MTF1: variants seen among roughly 807,000 people sequenced by gnomAD.
MTF1 encodes MRE-binding transcription factor.
MTF1 carries 22 observed loss-of-function variants against 70.4 expected under a neutral mutation model. That is an observed-to-expected ratio of 0.31 (90% CI 0.22 to 0.45). The LOEUF is 0.45. Among genes scored for constraint, MTF1 ranks in the 20% least tolerant of loss-of-function variants. MTF1 has a pLI of 1.00. For missense variants in MTF1, 649 were observed against 922.0 expected, an observed-to-expected ratio of 0.70 and a Z score of 3.83; for synonymous variants, 333 against 352.8, an observed-to-expected ratio of 0.94 and a Z score of 0.63.
At chr1:37,853,477 GGAA>G (rs1399720104) in intron 2 of MTF1, among the ~76,000 whole-genome samples, 9 of 152,330 alleles carry the variant, frequency 5.9e-5, no homozygotes, top group African/African-American at 2.2e-4. Flanking sequence ...GTGCTACAAT[GGAA>G]GAATGGAGTA....
intron 7 of MTF1, among the ~76,000 whole-genome samples, chr1:37,827,574 A>G (rs150929420): frequency 6.6e-6 from 1 of 152,016 alleles, no homozygotes; most frequent in African/African-American, 2.4e-5. Flanking sequence ...GTGTTAGCCA[A>G]AATGGTCTTG....
chr1:37,813,899 A>G lies in MTF1; in HGVS notation c.*1237T>C, dbSNP rs958405345. 4 of 152,690 alleles carry G rather than the reference A, an allele frequency of 2.6e-5. No homozygotes were observed. Among genetic ancestry groups the G allele is most frequent in the African/African-American group, 9.6e-5 (4 of 41,462 alleles). The allele number at this position is 152,690 out of a possible 1,614,324, so 9.5% of individuals were successfully genotyped here. On this transcript the variant is annotated 3_prime_UTR_variant, in exon 11 of 11. Coordinates refer to ENST00000373036, the MANE Select transcript of MTF1 (RefSeq NM_005955.3). ...AACACAACTTAATGAAACATTCCAA[A>G]TGAGATAACTTATTGCAACATTTCA...
rs1641204113 is a variant in MTF1, at chr1:37,838,494, T to C, written c.779+131A>G. 7.5e-6 allele frequency: 5 copies of C among 669,028 alleles called. No individual in the cohort carries two copies. The South Asian group carries it at 1.1e-4, about 15-fold the overall frequency. 41.4% of individuals were successfully genotyped at this position (669,028 alleles called of 1,614,324 possible). On this transcript the variant is annotated intron_variant, in intron 4 of 10. Coordinates refer to ENST00000373036, the MANE Select transcript of MTF1 (RefSeq NM_005955.3). ...CTGCAGTGGTTGGTTATAGCTGTCC[T>C]GGGGTGAGCTAACACTGCTAAATCA...
chr1:37,826,444 C>A, intron 7 of MTF1: 1 of 374,092 alleles, frequency 2.7e-6, no homozygotes, highest in Non-Finnish European at 5.3e-6. Context: ...CCATGCCTGG[C>A]TGCTTTTTAA....
intron 4 of MTF1, among the ~76,000 whole-genome samples, chr1:37,837,925 T>C (rs895540891): frequency 3.9e-5 from 6 of 152,332 alleles, no homozygotes; most frequent in African/African-American, 1.4e-4. Flanking sequence ...AAAGCTGATT[T>C]TGAATACCTG....
chr1:37,826,291 C>A (rs796790345), intron 7 of MTF1, among the ~76,000 whole-genome samples: 9 of 152,032 alleles, frequency 5.9e-5, no homozygotes, highest in South Asian at 2.1e-4. Flanking sequence ...TTCTTCTTTT[C>A]CCCCCCTTTT....
chr1:37,857,597 G>T lies in MTF1; in HGVS notation c.62C>A (p.Thr21Asn). The T allele has an allele frequency of 1.2e-6, 2 of 1,614,094 alleles. No individual in the cohort carries two copies. The highest frequency in any genetic ancestry group is 1.3e-5 in the African/African-American group (1 of 75,032). ...AAACCTGAGCATTTTATCATCGGGGGTCAGCTCATCTTCCTCTGCCTCAAA... is the reference window on the plus strand; with the variant it reads ...AAACCTGAGCATTTTATCATCGGGGTTCAGCTCATCTTCCTCTGCCTCAAA... ...IYFEAEEDEL[T>N]PDDKMLRFVD... Residue 21 changes from threonine to asparagine, a missense_variant, in exon 2 of 11, where the codon ACC becomes AAC. This residue lies in a region of MTF1 where 34 missense variants were observed against 38.7 expected (regional missense o/e 0.88). Transcript: ENST00000373036.
At chr1:37,857,797 T>TA in intron 1 of MTF1, 88 bp from the exon 2 acceptor site, 1 of 740,972 alleles carries the variant, frequency 1.3e-6, no homozygotes, top group Non-Finnish European at 2.2e-6. Context: ...CCCTCTCACT[T>TA]AAAGAGCAAG....
Position 37,835,038 on chromosome 1 carries a change from G to A in MTF1, c.990+41C>T, listed in dbSNP as rs1344807739. Reference sequence around the variant, plus strand: ...TTGTGATACACAAACAACTGTTGAAGTTCTATGGTACCCAGATCAAGAGAC... The same window carrying A: ...TTGTGATACACAAACAACTGTTGAAATTCTATGGTACCCAGATCAAGAGAC... On this transcript the variant is annotated intron_variant, in intron 6 of 10. Transcript: ENST00000373036. 1.9e-6 allele frequency: 3 copies of A among 1,604,010 alleles called. No homozygotes were observed. In the African/African-American group the frequency reaches 4.0e-5, roughly 21 times the overall value.
chr1:37,844,510 C>T (rs1475202125), intron 2 of MTF1, among the ~76,000 whole-genome samples: 2 of 152,162 alleles, frequency 1.3e-5, no homozygotes, highest in Non-Finnish European at 2.9e-5. Flanking sequence ...TATATTCTGA[C>T]TTCCCATCAA....
chr1:37,844,996 A>C (rs1489662035), intron 2 of MTF1, among the ~76,000 whole-genome samples: 1 of 152,250 alleles, frequency 6.6e-6, no homozygotes, highest in Non-Finnish European at 1.5e-5. Flanking sequence ...TATCTGAAAA[A>C]CAACAGGCAC....
intron 9 of MTF1, 60 bp from the exon 10 acceptor site, chr1:37,817,542 C>T: frequency 2.6e-6 from 3 of 1,159,836 alleles, no homozygotes; most frequent in Non-Finnish European, 3.9e-6. Flanking sequence ...TCCCCAGGGA[C>T]CTGAAGCCTC....
chr1:37,813,092 C>T lies in MTF1; in HGVS notation c.*2044G>A, dbSNP rs1244555200. On this transcript the variant is annotated 3_prime_UTR_variant, in exon 11 of 11. Coordinates refer to ENST00000373036, the MANE Select transcript of MTF1 (RefSeq NM_005955.3). ...CGTTGGGAGTTCGAGACCAGCCTGA[C>T]CAACATGGAGAAACCCCGTCTCTAC... 1 of 152,160 alleles carries T rather than the reference C, an allele frequency of 6.6e-6. No individual in the cohort carries two copies. Among genetic ancestry groups the T allele is most frequent in the Non-Finnish European group, 1.5e-5 (1 of 68,070 alleles). 9.4% of individuals were successfully genotyped at this position (152,160 alleles called of 1,614,324 possible).
chr1:37,832,062 C>T (rs553605400), intron 7 of MTF1, among the ~76,000 whole-genome samples, 183 bp downstream of exon 7: 7 of 152,302 alleles, frequency 4.6e-5, no homozygotes, highest in Admixed American at 2.0e-4. Context: ...AGGAATCAGG[C>T]ATCAGAGAGA....
In MTF1 at chr1:37,810,311, T is replaced by C. The variant is rs72661840; in HGVS notation, c.*4825A>G. 6.5e-6 allele frequency: 1 copy of C among 152,686 alleles called. No homozygotes were observed. The highest frequency in any genetic ancestry group is 1.5e-5 in the Non-Finnish European group (1 of 68,042). 9.5% of individuals were successfully genotyped at this position (152,686 alleles called of 1,614,324 possible). On this transcript the variant is annotated 3_prime_UTR_variant, in exon 11 of 11. Transcript: ENST00000373036. ...CTGCATTGAGCTGAGAAAGTGACAC[T>C]ACATTATCACCCAATTTTTGGCCCA...
chr1:37,847,776 A>C lies in MTF1; in HGVS notation c.409-7618T>G, dbSNP rs114137863. On this transcript the variant is annotated intron_variant, in intron 2 of 10. Transcript: ENST00000373036. ...TTTGGGAGGCTGAGGTGGGAGGCTC[A>C]CTTGAGCCCAGAAGTTCGAGACCAG... Among the ~76,000 whole-genome samples, 857 of 152,160 alleles carry C rather than the reference A, an allele frequency of 5.6e-3. 7 individuals are homozygous for C. Among genetic ancestry groups the C allele is most frequent in the African/African-American group, 0.02 (813 of 41,524 alleles).
At position 37,822,687 on chromosome 1, in the gene MTF1, C is replaced by T; in HGVS notation, c.1201G>A (p.Ala401Thr). ...GGCGGAACATCACTGACTGACTCTG[C>T]ATCACCATTAAAACTTTCAGTCAAG... is the stretch of plus-strand genomic sequence containing the variant. ...ASLTESFNGD[A>T]ESVSDVPPST... Residue 401 changes from alanine to threonine, a missense_variant, in exon 9 of 11, where the codon GCA becomes ACA. Physicochemically the swap from Ala to Thr is moderately conservative, Grantham distance 58. Transcript: ENST00000373036. 6.2e-7 allele frequency: 1 copy of T among 1,612,538 alleles called. No individual in the cohort carries two copies. The highest frequency in any genetic ancestry group is 8.5e-7 in the Non-Finnish European group (1 of 1,179,332).
chr1:37,856,465 G>A (rs1051348435), intron 2 of MTF1, among the ~76,000 whole-genome samples: 6 of 147,962 alleles, frequency 4.1e-5, no homozygotes. Flanking sequence ...TAGGATTACA[G>A]GCATGAGCCA....
chr1:37,819,453 C>A (rs1640876485), intron 9 of MTF1, among the ~76,000 whole-genome samples: 1 of 151,714 alleles, frequency 6.6e-6, no homozygotes, highest in African/African-American at 2.4e-5. Flanking sequence ...CTAAGTAGGA[C>A]TATAAACCTA....
Sources: gnomAD v4.1 joint callset for allele counts (sites outside exome capture counted in the v4.1 genomes callset) on GRCh38, gnomAD v4.1.1 for gene constraint, gnomAD v4.1.1 regional missense constraint, MANE v1.5 for transcripts, NCBI Gene and HGNC (gene_info 2026-07-23, HGNC 2026-07-21) for gene names.